The following CXorf65 variants were observed in gnomAD, a reference collection of about 807,000 sequenced individuals.
The protein encoded by CXorf65 is uncharacterized protein CXorf65.
For synonymous variants in CXorf65, 54 were observed against 51.4 expected, an observed-to-expected ratio of 1.05 and a Z score of -0.21; for missense variants, 137 against 144.7, an observed-to-expected ratio of 0.95 and a Z score of 0.27.
At chrX:71,104,730 T>C in intron 4 of CXorf65, 39 bp downstream of exon 4, 3 of 1,128,150 alleles carry the variant, frequency 2.7e-6, no homozygotes, top group Non-Finnish European at 2.4e-6. Flanking sequence ...CTATATACTG[T>C]ACCCTTCATG....
At chrX:71,106,264 G>A in intron 2 of CXorf65, 76 bp downstream of exon 2, 2 of 1,093,205 alleles carry the variant, frequency 1.8e-6, no homozygotes, top group Non-Finnish European at 2.5e-6. Context: ...TTCTTGCCAG[G>A]AGGAGGGCTT....
intron 2 of CXorf65, 23 bp downstream of exon 2, chrX:71,106,317 A>T: frequency 8.5e-7 from 1 of 1,174,080 alleles, no homozygotes; most frequent in Non-Finnish European, 1.2e-6. Context: ...TTTGGCCATT[A>T]GTCCCCTCCC....
intron 1 of CXorf65, 33 bp downstream of exon 1, chrX:71,106,499 A>G: frequency 8.3e-7 from 1 of 1,205,797 alleles, no homozygotes; most frequent in South Asian, 1.8e-5. Flanking sequence ...CTCCACCCCC[A>G]TCCACAGACT....
rs896819642 is a variant in CXorf65, at chrX:71,106,568, C to T, written c.-12G>A. 4.1e-6 allele frequency: 5 copies of T among 1,208,895 alleles called. No individual in the cohort carries two copies. In the African/African-American group the frequency reaches 5.3e-5, roughly 13 times the overall value. On this transcript the variant is annotated 5_prime_UTR_variant, in exon 1 of 6. Transcript: ENST00000374251. ...ATGAAGATGAACATGCCCTCAAGAT[C>T]GCCTCACTCTTCACAAAGTGCCCTG... is the stretch of plus-strand genomic sequence containing the variant.
intron 4 of CXorf65, 133 bp from the exon 5 acceptor site, chrX:71,104,537 G>A: frequency 2.0e-6 from 1 of 505,937 alleles, no homozygotes; most frequent in Admixed American, 3.9e-5. Context: ...ATGGTGACAG[G>A]GAGATATACG....
chrX:71,105,935 G>T (rs1262568961), intron 3 of CXorf65, 65 bp downstream of exon 3: 2 of 1,119,152 alleles, frequency 1.8e-6, no homozygotes, highest in Non-Finnish European at 1.2e-6. Flanking sequence ...TTGTTTTAAA[G>T]ATAAGGTTCA....
At chrX:71,104,485 C>T (rs2092241405) in intron 4 of CXorf65, 81 bp from the exon 5 acceptor site, 7 of 682,707 alleles carry the variant, frequency 1.0e-5, no homozygotes, top group Non-Finnish European at 1.3e-5. Context: ...TTGTTCAAAC[C>T]ATCAGCTGGA....
chrX:71,106,032 T>A lies in CXorf65; in HGVS notation c.218A>T (p.Tyr73Phe). 1.7e-6 allele frequency: 2 copies of A among 1,211,189 alleles called. No homozygotes were observed. Among genetic ancestry groups the A allele is most frequent in the Non-Finnish European group, 2.2e-6 (2 of 895,022 alleles). The change falls in exon 3 of 6, where the codon TAC becomes TTC. Residue 73 changes from tyrosine to phenylalanine, a missense_variant. Transcript: ENST00000374251. ...CCCACGTTCCACCTTACAAACGTAG[T>A]AGGTGCTTCGAGCTGTAAGGTATTT... ...ASKYLTARST[Y>F]YVCKVERGPP...
Position 71,103,986 on chromosome X carries a change from A to G in CXorf65, c.*1T>C, listed in dbSNP as rs957025039. ...AAATTCCAGTAATTTCACACCTAGTATTACTTCTTTTGCTTGGTGGTTTTA... is the reference window on the plus strand; with the variant it reads ...AAATTCCAGTAATTTCACACCTAGTGTTACTTCTTTTGCTTGGTGGTTTTA... On this transcript the variant is annotated 3_prime_UTR_variant, in exon 6 of 6. Coordinates refer to ENST00000374251, the MANE Select transcript of CXorf65 (RefSeq NM_001025265.3). The G allele has an allele frequency of 8.3e-7, 1 of 1,207,953 alleles. No individual in the cohort carries two copies. Among genetic ancestry groups the G allele is most frequent in the East Asian group, 3.0e-5 (1 of 33,766 alleles).
rs370558101 is a variant in CXorf65, at chrX:71,104,429, C to T, written c.320-25G>A. On this transcript the variant is annotated intron_variant, in intron 4 of 5. Transcript: ENST00000374251. ...ACTAAGAACAAGGAAAAGGCACCTG[C>T]ACCTCTGAGAACTAGAGACCTTACC... 13 of 1,030,287 alleles carry T rather than the reference C, an allele frequency of 1.3e-5. No homozygotes were observed. The African/African-American group carries it at 2.4e-4, about 19-fold the overall frequency. The allele number at this position is 1,030,287 out of a possible 1,213,427, so 84.9% of individuals were successfully genotyped here. A position where few individuals can be genotyped will look rare whatever the true frequency, so the allele number is the denominator to read the frequency against.
rs746310443 is a variant in CXorf65 at position 71,104,796 on chromosome X, G to A, written c.292C>T (p.Leu98Phe). ...ENAYRAFVPLLKNPEPWLLVA... is the reference protein window; with the variant it reads ...ENAYRAFVPLFKNPEPWLLVA... ...AGCAGCCAAGGCTCCGGATTCTTGA[G>A]GAGAGGCACAAAAGCTCTGTAAGCA... The change falls in exon 4 of 6, where the codon CTC becomes TTC. Residue 98 changes from leucine to phenylalanine, a missense_variant. Leu to Phe is a conservative substitution (Grantham distance 22, BLOSUM62 0). Transcript: ENST00000374251. The A allele has an allele frequency of 6.6e-6, 8 of 1,211,056 alleles. No individual in the cohort carries two copies. Among genetic ancestry groups the A allele is most frequent in the Non-Finnish European group, 8.9e-6 (8 of 895,081 alleles).
At position 71,106,091 on chromosome X, in the gene CXorf65, G is replaced by A. The variant is rs765302686; in HGVS notation, c.159C>T (p.Phe53=). The A allele has an allele frequency of 1.7e-6, 2 of 1,209,230 alleles. No homozygotes were observed. Among genetic ancestry groups the A allele is most frequent in the Non-Finnish European group, 2.2e-6 (2 of 894,579 alleles). The change falls in exon 3 of 6, where the codon TTC becomes TTT. Residue 53 remains phenylalanine (F), a synonymous_variant. Transcript: ENST00000374251. ...CEQTGKMKML[F]LMKPNHAEYA... is the part of the protein sequence containing the mutation. ...ACTCTGCATGATTGGGCTTCATCAG[G>A]AAAAGCATCTTCATTTTCCCCGTTT... is the stretch of plus-strand genomic sequence containing the variant.
chrX:71,103,897 T>C lies in CXorf65; in HGVS notation c.*90A>G, dbSNP rs1466059217. ...GAGCCTCCTAGGTGCCTGGGGCGTA[T>C]GTACTCAAGCCTTAGTGCAGATATT... On this transcript the variant is annotated 3_prime_UTR_variant, in exon 6 of 6. Transcript: ENST00000374251. 6 of 1,022,270 alleles carry C rather than the reference T, an allele frequency of 5.9e-6. No individual in the cohort carries two copies. The highest frequency in any genetic ancestry group is 6.8e-6 in the Non-Finnish European group (5 of 733,363). 84.2% of individuals were successfully genotyped at this position (1,022,270 alleles called of 1,213,427 possible).
rs1370514290 is a variant in CXorf65, at chrX:71,105,045, C to A, written c.251-208G>T. 8.2e-5 allele frequency among the ~76,000 whole-genome samples: 9 copies of A among 110,252 alleles called. No homozygotes were observed. The East Asian group carries it at 2.6e-3, about 31-fold the overall frequency. Reference sequence around the variant, plus strand: ...CCTGGCCAATTCGAGACTAGCCTGGCCAATTTGGTGAAACCCCATCTCTAC... The same window carrying A: ...CCTGGCCAATTCGAGACTAGCCTGGACAATTTGGTGAAACCCCATCTCTAC... On this transcript the variant is annotated intron_variant, in intron 3 of 5. Coordinates refer to ENST00000374251, the MANE Select transcript of CXorf65 (RefSeq NM_001025265.3).
At chrX:71,104,470 A>G in intron 4 of CXorf65, 66 bp from the exon 5 acceptor site, 1 of 759,409 alleles carries the variant, frequency 1.3e-6, no homozygotes, top group Non-Finnish European at 1.9e-6. Context: ...TGATGCTCCC[A>G]TTCATTGTTC....
intron 2 of CXorf65, 43 bp from the exon 3 acceptor site, chrX:71,106,180 G>C (rs371749524): frequency 2.2e-4 from 262 of 1,188,232 alleles, no homozygotes; most frequent in Non-Finnish European, 2.8e-4. Context: ...TAAGGAAAGA[G>C]AGTGGGAGCA....
Position 71,106,553 on chromosome X carries a change from A to G in CXorf65, c.4T>C (p.Phe2Leu). 1.7e-6 allele frequency: 2 copies of G among 1,211,186 alleles called. No individual in the cohort carries two copies. The highest frequency in any genetic ancestry group is 2.2e-6 in the Non-Finnish European group (2 of 895,402). Residue 2 changes from phenylalanine to leucine, a missense_variant, in exon 1 of 6, where the codon TTC becomes CTC. By Grantham distance (22) the Phe-to-Leu change is conservative (BLOSUM62 0). Coordinates refer to ENST00000374251, the MANE Select transcript of CXorf65 (RefSeq NM_001025265.3). M[F>L]IFIKHGDNQQ... ...TCACCTCCATGTTTGATGAAGATGAACATGCCCTCAAGATCGCCTCACTCT... is the reference window on the plus strand; with the variant it reads ...TCACCTCCATGTTTGATGAAGATGAGCATGCCCTCAAGATCGCCTCACTCT...
rs750827232 is a variant in CXorf65 at position 71,106,135 on chromosome X, T to C, written c.115A>G (p.Thr39Ala). The C allele has an allele frequency of 2.5e-6, 3 of 1,209,942 alleles. No individual in the cohort carries two copies. The highest frequency in any genetic ancestry group is 3.4e-6 in the Non-Finnish European group (3 of 894,462). Residue 39 changes from threonine to alanine, a missense_variant and splice_region_variant, in exon 3 of 6, where the codon ACC (threonine) becomes GCC (alanine). Coordinates refer to ENST00000374251, the MANE Select transcript of CXorf65 (RefSeq NM_001025265.3). Reference sequence around the variant, plus strand: ...CCCGTTTGTTCACACAAATCGATGGTGTCTGGAGGGAGATCACAGGGTAAT... The same window carrying C: ...CCCGTTTGTTCACACAAATCGATGGCGTCTGGAGGGAGATCACAGGGTAAT... ...RSKVKLPKTN[T>A]IDLCEQTGKM...
intron 3 of CXorf65, 137 bp downstream of exon 3, chrX:71,105,863 G>T: frequency 3.1e-6 from 2 of 647,362 alleles, no homozygotes; most frequent in Non-Finnish European, 4.6e-6. Flanking sequence ...CGATTCTCCC[G>T]CCTTGGCCTC....
Sources: gnomAD v4.1 joint callset for allele counts (sites outside exome capture counted in the v4.1 genomes callset) on GRCh38, gnomAD v4.1.1 for gene constraint, MANE v1.5 for transcripts, NCBI Gene and HGNC (gene_info 2026-07-23, HGNC 2026-07-21) for gene names.